Variants in LYRM4 observed in about 807,000 individuals in gnomAD.
The protein encoded by LYRM4 is LYR motif containing 4.
LYRM4 carries 9 observed loss-of-function variants against 11.7 expected under a neutral mutation model. The observed-to-expected ratio is 0.77, with a 90% CI of 0.46 to 1.34. The LOEUF (loss-of-function observed/expected upper bound fraction) is 1.34. Ranked by LOEUF, LYRM4 falls within the 40% of genes most tolerant of loss-of-function variation. LYRM4 has a pLI of 0.00. For synonymous variants in LYRM4, 42 were observed against 40.4 expected, an observed-to-expected ratio of 1.04 and a Z score of -0.15; for missense variants, 133 against 112.5, an observed-to-expected ratio of 1.18 and a Z score of -0.82.
chr6:5,203,531 A>G (rs1464667217), intron 2 of LYRM4, among the ~76,000 whole-genome samples: 3 of 152,302 alleles, frequency 2.0e-5, no homozygotes, highest in Non-Finnish European at 4.4e-5. Context: ...AGCAGTCTGC[A>G]ATGTGATGGG....
chr6:5,198,218 G>C (rs897279634), intron 2 of LYRM4, among the ~76,000 whole-genome samples: 1 of 152,020 alleles, frequency 6.6e-6, no homozygotes, highest in African/African-American at 2.4e-5. Context: ...AAAGAAAAGA[G>C]AAAGGGAGGG....
chr6:5,224,922 T>G (rs1762788136), intron 1 of LYRM4, among the ~76,000 whole-genome samples: 1 of 151,814 alleles, frequency 6.6e-6, no homozygotes, highest in Admixed American at 6.6e-5. Context: ...ATTGCGCCAC[T>G]GCACTCCAGC....
the LYRM4 span, among the ~76,000 whole-genome samples, chr6:5,072,725 T>C: frequency 1.1e-4 from 17 of 152,134 alleles, no homozygotes; most frequent in Non-Finnish European, 2.2e-4. Context: ...CATCAAAGTT[T>C]TAAACAAAGG....
At chr6:5,125,576 G>C (rs1457314795) in intron 2 of LYRM4, among the ~76,000 whole-genome samples, 1 of 152,208 alleles carries the variant, frequency 6.6e-6, no homozygotes, top group Non-Finnish European at 1.5e-5. Context: ...AGAGGAACAA[G>C]AATCCCAGAG....
At chr6:5,120,134 A>C (rs1378944750) in intron 2 of LYRM4, among the ~76,000 whole-genome samples, 1 of 152,084 alleles carries the variant, frequency 6.6e-6, no homozygotes, top group East Asian at 1.9e-4. Flanking sequence ...TGACCTCGGG[A>C]TCCATCCACC....
At chr6:5,201,891 C>G (rs183376949) in intron 2 of LYRM4, among the ~76,000 whole-genome samples, 7 of 152,336 alleles carry the variant, frequency 4.6e-5, no homozygotes, top group Admixed American at 3.3e-4. Flanking sequence ...CTGGCATCAA[C>G]CATTACTGGC....
intron 1 of LYRM4, among the ~76,000 whole-genome samples, chr6:5,230,931 T>C (rs915678901): frequency 6.6e-6 from 1 of 152,284 alleles, no homozygotes; most frequent in African/African-American, 2.4e-5. Context: ...CTAAAATGTA[T>C]GAAATGTCAG....
At chr6:5,241,721 C>G (rs777309433) in intron 1 of LYRM4, among the ~76,000 whole-genome samples, 1 of 152,124 alleles carries the variant, frequency 6.6e-6, no homozygotes, top group African/African-American at 2.4e-5. Flanking sequence ...GCCTGTTACA[C>G]GGTGGAAGCT....
chr6:5,259,328 G>T (rs1764834508), intron 1 of LYRM4, among the ~76,000 whole-genome samples: 1 of 151,082 alleles, frequency 6.6e-6, no homozygotes. Flanking sequence ...CTAGGTGTTT[G>T]GTTAATTCTT....
At chr6:5,155,994 A>G (rs1758390529) in intron 2 of LYRM4, among the ~76,000 whole-genome samples, 1 of 152,256 alleles carries the variant, frequency 6.6e-6, no homozygotes, top group Non-Finnish European at 1.5e-5. Context: ...TTTCACACAC[A>G]GTTCTCCAGA....
chr6:5,125,075 G>C (rs1371989350), intron 2 of LYRM4, among the ~76,000 whole-genome samples: 1 of 152,186 alleles, frequency 6.6e-6, no homozygotes, highest in Non-Finnish European at 1.5e-5. Flanking sequence ...CTTCATACAA[G>C]AACTGTGAGC....
At chr6:5,099,391 C>CTCTACCTATCTATCTA (rs1554124400), downstream of LYRM4, among the ~76,000 whole-genome samples, 4 of 145,442 alleles carry the variant, frequency 2.8e-5, no homozygotes, top group Non-Finnish European at 4.5e-5. This position sits in a 1 kb window ranked among gnomAD's most constrained non-coding sequence, Gnocchi z 4.3. Context: ...AAATCTATTT[C>CTCTACCTATCTATCTA]TCTATCTATC....
At chr6:5,160,889 G>A (rs1391759950) in intron 2 of LYRM4, among the ~76,000 whole-genome samples, 1 of 152,100 alleles carries the variant, frequency 6.6e-6, no homozygotes, top group African/African-American at 2.4e-5. Flanking sequence ...ATGTGATGGG[G>A]AGCAAACGAT....
At chr6:5,147,581 C>T (rs1275827273) in intron 2 of LYRM4, among the ~76,000 whole-genome samples, 1 of 152,190 alleles carries the variant, frequency 6.6e-6, no homozygotes, top group Non-Finnish European at 1.5e-5. Context: ...ATTTGCTTAA[C>T]CAAACTTTAC....
intron 2 of LYRM4, among the ~76,000 whole-genome samples, chr6:5,200,243 T>C (rs1761309612): frequency 6.6e-6 from 1 of 152,210 alleles, no homozygotes; most frequent in Non-Finnish European, 1.5e-5. Flanking sequence ...AGCAAACCCT[T>C]AGCTGCACTA....
intron 1 of LYRM4, among the ~76,000 whole-genome samples, chr6:5,256,422 G>A (rs996596941): frequency 1.4e-5 from 2 of 140,242 alleles, no homozygotes; most frequent in African/African-American, 5.4e-5. Context: ...CCTGGGAGGT[G>A]GAGGTTGCAG....
Position 5,260,773 on chromosome 6 carries a change from G to A in LYRM4, c.-40C>T, listed in dbSNP as rs1322132167. On this transcript the variant is annotated 5_prime_UTR_variant, in exon 1 of 3. Coordinates refer to ENST00000330636, the MANE Select transcript of LYRM4 (RefSeq NM_020408.6). ...AAAATAAACGGGTCCTCTTCGCCGA[G>A]GTCCCAAGTACGACCCAACCCACGA... 2.0e-6 allele frequency: 3 copies of A among 1,537,428 alleles called. No homozygotes were observed. The highest frequency in any genetic ancestry group is 2.4e-5 in the East Asian group (1 of 40,910).
chr6:5,100,935 C>T (rs1466117804), downstream of LYRM4, among the ~76,000 whole-genome samples: 2 of 152,214 alleles, frequency 1.3e-5, no homozygotes, highest in Non-Finnish European at 2.9e-5. Flanking sequence ...TCTTCTCCAT[C>T]TGACCCACAC....
In LYRM4 at chr6:5,144,555, T is replaced by G. The variant is rs539326050; in HGVS notation, c.208-35064A>C. On this transcript the variant is annotated intron_variant, in intron 2 of 2. Coordinates refer to ENST00000330636, the MANE Select transcript of LYRM4 (RefSeq NM_020408.6). ...GGGAGGCTGAGGCAGGAGAATGGCG[T>G]GAACCTGGGAGGTGAGCCGAGATCA... 3.1e-5 allele frequency among the ~76,000 whole-genome samples: 4 copies of G among 129,378 alleles called. No homozygotes were observed. The South Asian group carries it at 9.6e-4, about 31-fold the overall frequency. The allele number at this position is 129,378 out of a possible 152,430, so 84.9% of individuals were successfully genotyped here.
Sources: gnomAD v4.1 joint callset for allele counts (sites outside exome capture counted in the v4.1 genomes callset) on GRCh38, gnomAD v4.1.1 for gene constraint, Gnocchi (gnomAD v3.1) non-coding constraint, MANE v1.5 for transcripts, NCBI Gene and HGNC (gene_info 2026-07-23, HGNC 2026-07-21) for gene names.